The following DDX10 variants were observed in gnomAD, a reference collection of about 807,000 sequenced individuals.
DDX10 encodes probable ATP-dependent RNA helicase DDX10.
DDX10 carries 74 observed loss-of-function variants against 104.3 expected under a neutral mutation model. The ratio of observed to expected loss-of-function variants is 0.71; its 90% confidence interval spans 0.59 to 0.86. DDX10 has a LOEUF of 0.86. DDX10 is among the 40% of genes least tolerant of loss of function. The probability of loss-of-function intolerance (pLI) is 0.00; values close to 1 mark genes in which losing one functional copy is unlikely to be tolerated. For missense variants in DDX10, 952 were observed against 1,040.0 expected (o/e 0.92, Z 1.16); for synonymous variants, 351 against 353.4 (o/e 0.99, Z 0.08).
At chr11:108,825,576 C>T (rs935992822) in intron 13 of DDX10, among the ~76,000 whole-genome samples, 1 of 152,122 alleles carries the variant, frequency 6.6e-6, no homozygotes, top group African/African-American at 2.4e-5. Flanking sequence ...TAGTATTGGT[C>T]TGGGGTGGGG....
At chr11:108,872,756 A>G (rs1162900790) in intron 16 of DDX10, among the ~76,000 whole-genome samples, 2 of 152,110 alleles carry the variant, frequency 1.3e-5, no homozygotes, top group African/African-American at 4.8e-5. Flanking sequence ...ATATTTCTCT[A>G]TAGCAGTGTT....
chr11:108,888,755 T>TATCC (rs1863335677), intron 16 of DDX10, among the ~76,000 whole-genome samples: 1 of 151,902 alleles, frequency 6.6e-6, no homozygotes, highest in Non-Finnish European at 1.5e-5. Context: ...TATTGATGTG[T>TATCC]CTGACAAGAT....
chr11:108,706,732 T>C lies in DDX10; in HGVS notation c.1224-7T>C. On this transcript the variant is annotated splice_region_variant and splice_polypyrimidine_tract_variant and intron_variant, in intron 9 of 17. Transcript: ENST00000322536. ...ATGTGTTAAAGATTTTGTTTCTTTTTGTTTAGGTACAAAGAGGATGGTGAA... is the reference window on the plus strand; with the variant it reads ...ATGTGTTAAAGATTTTGTTTCTTTTCGTTTAGGTACAAAGAGGATGGTGAA... 6.2e-7 allele frequency: 1 copy of C among 1,611,466 alleles called. No homozygotes were observed. The highest frequency in any genetic ancestry group is 8.5e-7 in the Non-Finnish European group (1 of 1,177,586).
intron 16 of DDX10, among the ~76,000 whole-genome samples, chr11:108,864,266 A>T (rs1862977638): frequency 1.3e-5 from 2 of 152,140 alleles, no homozygotes; most frequent in South Asian, 4.1e-4. Context: ...CAAAATGCCC[A>T]TATCTAGCTT....
chr11:108,751,194 A>G (rs541621630), intron 13 of DDX10, among the ~76,000 whole-genome samples: 10 of 152,044 alleles, frequency 6.6e-5, no homozygotes, highest in African/African-American at 1.9e-4. Flanking sequence ...AGAGTTTAAC[A>G]TATTCACTGT....
chr11:108,927,720 C>T (rs1462556711), intron 17 of DDX10, among the ~76,000 whole-genome samples: 2 of 152,070 alleles, frequency 1.3e-5, no homozygotes, highest in African/African-American at 4.8e-5. Context: ...TCACTGCAAC[C>T]TCTGTCTCCC....
In DDX10 at chr11:108,852,150, C is replaced by T; in HGVS notation, c.2248-3C>T. 3.7e-6 allele frequency: 6 copies of T among 1,608,912 alleles called. No individual in the cohort carries two copies. The highest frequency in any genetic ancestry group is 5.1e-6 in the Non-Finnish European group (6 of 1,176,844). ...TAATTTTTCTCCTCTTCCTTGTCTC[C>T]AGGAGAAAAGACTGAAAGAAAGGGA... On this transcript the variant is annotated splice_polypyrimidine_tract_variant and splice_region_variant and intron_variant, in intron 15 of 17. Coordinates refer to ENST00000322536, the MANE Select transcript of DDX10 (RefSeq NM_004398.4).
chr11:108,694,550 C>G (rs566256701), intron 9 of DDX10, among the ~76,000 whole-genome samples: 1 of 152,258 alleles, frequency 6.6e-6, no homozygotes, highest in South Asian at 2.1e-4. Flanking sequence ...CAAAAGTATC[C>G]TATGTTTGCT....
rs150001033 is a variant in DDX10, at chr11:108,786,079, G to C, written c.1966-52367G>C. Among the ~76,000 whole-genome samples the C allele has an allele frequency of 3.0e-4, 46 of 152,118 alleles. 3 individuals are homozygous for C. The East Asian group carries it at 4.4e-3, about 15-fold the overall frequency. ...TTAATTGCAAAGAATTTTTATTTCT[G>C]TCCTGATTTCATTGTTCATATAATG... On this transcript the variant is annotated intron_variant, in intron 13 of 17. Transcript: ENST00000322536.
chr11:108,866,861 G>T (rs1482788664), intron 16 of DDX10, among the ~76,000 whole-genome samples: 1 of 152,158 alleles, frequency 6.6e-6, no homozygotes, highest in Non-Finnish European at 1.5e-5. Flanking sequence ...TGTAAGGCAG[G>T]TCAGTAAAAG....
chr11:108,861,683 G>C (rs1862943384), intron 16 of DDX10, among the ~76,000 whole-genome samples: 1 of 152,144 alleles, frequency 6.6e-6, no homozygotes, highest in Non-Finnish European at 1.5e-5. Flanking sequence ...TGGAGAACTT[G>C]AGAGTGTTCT....
chr11:108,687,147 A>G (rs1441408914), intron 6 of DDX10, among the ~76,000 whole-genome samples: 3 of 152,082 alleles, frequency 2.0e-5, no homozygotes, highest in African/African-American at 4.8e-5. Flanking sequence ...ATCATTTTGC[A>G]TTTCTGCCAG....
At chr11:108,697,717 TTC>T (rs2134454438) in intron 9 of DDX10, among the ~76,000 whole-genome samples, 1 of 152,318 alleles carries the variant, frequency 6.6e-6, no homozygotes, top group East Asian at 1.9e-4. Context: ...CTGTGATACA[TTC>T]TGTCACTTTA....
At chr11:108,682,423 A>G (rs1190093238) in intron 6 of DDX10, among the ~76,000 whole-genome samples, 1 of 152,110 alleles carries the variant, frequency 6.6e-6, no homozygotes, top group Non-Finnish European at 1.5e-5. Flanking sequence ...GTCTAGTTTG[A>G]TATTAGTCTA....
At chr11:108,867,848 A>G (rs1863026954) in intron 16 of DDX10, among the ~76,000 whole-genome samples, 1 of 152,156 alleles carries the variant, frequency 6.6e-6, no homozygotes, top group Admixed American at 6.5e-5. Context: ...GCCCCCAGAA[A>G]TCTCTCTGGA....
rs2094255713 is a variant in DDX10, at chr11:108,693,575, A to ATTCACAGAGCAGGTAG, written c.1199_1214dup (p.Arg405SerfsTer6). On this transcript the variant is annotated frameshift_variant, in exon 9 of 18. Transcript: ENST00000322536. LOFTEE classifies it high-confidence loss of function. ...TTGTCCTGAGGATGCCAACACATAT[A>ATTCACAGAGCAGGTAG]TTCACAGAGCAGGTAGAACTGCCAG... The ATTCACAGAGCAGGTAG allele has an allele frequency of 6.2e-7, 1 of 1,614,068 alleles. No individual in the cohort carries two copies. The highest frequency in any genetic ancestry group is 8.5e-7 in the Non-Finnish European group (1 of 1,179,958).
intron 15 of DDX10, among the ~76,000 whole-genome samples, chr11:108,848,544 A>G (rs1032516696): frequency 2.6e-5 from 4 of 152,178 alleles, no homozygotes; most frequent in Non-Finnish European, 4.4e-5. Context: ...ACCTGTTGCT[A>G]TAGAACATTT....
chr11:108,722,033 T>TA (rs1479704727), intron 12 of DDX10, among the ~76,000 whole-genome samples: 1 of 152,232 alleles, frequency 6.6e-6, no homozygotes, highest in African/African-American at 2.4e-5. Flanking sequence ...AATTTATTCT[T>TA]ACAACAACCC....
Position 108,665,146 on chromosome 11 carries a change from C to T in DDX10, c.-8C>T. ...GGGTTGATCCGAGCTGTCGCCGCCG[C>T]CGCCGCAATGGGCAAAACGGCCAAC... On this transcript the variant is annotated 5_prime_UTR_variant, in exon 1 of 18. Transcript: ENST00000322536. 1 of 1,602,006 alleles carries T rather than the reference C, an allele frequency of 6.2e-7. No individual in the cohort carries two copies. Among genetic ancestry groups the T allele is most frequent in the Non-Finnish European group, 8.5e-7 (1 of 1,175,242 alleles).
Sources: allele counts gnomAD v4.1 joint callset (sites outside exome capture counted in the v4.1 genomes callset), GRCh38; gene constraint gnomAD v4.1.1; transcripts MANE v1.5; gene names NCBI Gene and HGNC (gene_info 2026-07-23, HGNC 2026-07-21).